Variants in XKR9 observed in about 807,000 individuals in gnomAD.
The protein encoded by XKR9 is XK-related protein 9.
Under a neutral mutation model 32.0 loss-of-function variants are expected in XKR9, and 32 were observed. The ratio of observed to expected loss-of-function variants is 1.00; its 90% CI spans 0.76 to 1.34. The LOEUF (loss-of-function observed/expected upper bound fraction) is 1.34, where lower values mean the gene tolerates loss of function less well. XKR9 is among the 40% of genes most tolerant of loss of function. The pLI, the probability that XKR9 is intolerant of heterozygous loss-of-function variation, is 0.00. For synonymous variants in XKR9, 168 were observed against 143.4 expected (o/e 1.17, Z -1.22); for missense variants, 546 against 429.7 (o/e 1.27, Z -2.39).
At chr8:71,027,288 AAG>A in the XKR9 span, among the ~76,000 whole-genome samples, 2 of 150,848 alleles carry the variant, frequency 1.3e-5, no homozygotes, top group Non-Finnish European at 3.0e-5. Flanking sequence ...CTTATTCCAG[AAG>A]AGAGTCTTAA....
chr8:70,922,130 T>C, the XKR9 span, among the ~76,000 whole-genome samples: 2 of 152,204 alleles, frequency 1.3e-5, no homozygotes, highest in Non-Finnish European at 2.9e-5. Context: ...CTCTACCCTC[T>C]GTATACCTCT....
rs1447765591 is a variant in XKR9 at position 70,745,086 on chromosome 8, G to T, written n.352+37933G>T. On this transcript the variant is annotated intron_variant and non_coding_transcript_variant, in intron 2 of 3. Coordinates refer to the XKR9 transcript ENST00000520273. ...TATACATCTACTAAGGAGCTTGAAT[G>T]CTAAGTGTCCCACACAAACATAGAT... Among the ~76,000 whole-genome samples, 5 of 150,046 alleles carry T rather than the reference G, an allele frequency of 3.3e-5. 1 individual carries two copies.
the XKR9 span, among the ~76,000 whole-genome samples, chr8:70,893,953 C>T: frequency 8.6e-5 from 13 of 151,996 alleles, no homozygotes; most frequent in South Asian, 4.2e-4. Flanking sequence ...ATAGATTGCC[C>T]GGAGAGTCAG....
the XKR9 span, among the ~76,000 whole-genome samples, chr8:70,837,582 A>G: frequency 2.0e-5 from 3 of 152,070 alleles, no homozygotes; most frequent in East Asian, 5.8e-4. Context: ...TGAAAGGACA[A>G]GATGTATGGT....
the XKR9 span, among the ~76,000 whole-genome samples, chr8:71,032,676 G>A: frequency 6.6e-6 from 1 of 152,124 alleles, no homozygotes; most frequent in Non-Finnish European, 1.5e-5. Context: ...TAACAATTTT[G>A]TCAGATGATT....
the XKR9 span, among the ~76,000 whole-genome samples, chr8:70,873,966 G>A: frequency 6.6e-6 from 1 of 152,158 alleles, no homozygotes. Flanking sequence ...CCCTCCTGAT[G>A]AGTCAGCAGC....
At chr8:70,882,323 G>A in the XKR9 span, among the ~76,000 whole-genome samples, 1 of 151,426 alleles carries the variant, frequency 6.6e-6, no homozygotes, top group African/African-American at 2.4e-5. Context: ...AAAAATTAAG[G>A]CATGTGGTAA....
intron 3 of XKR9, among the ~76,000 whole-genome samples, chr8:70,706,031 A>G (rs2132174619): frequency 6.6e-6 from 1 of 152,298 alleles, no homozygotes; most frequent in Non-Finnish European, 1.5e-5. Context: ...TCTGAGCAAT[A>G]TAGTGAATGT....
At chr8:70,691,008 A>G (rs1819494241) in intron 3 of XKR9, among the ~76,000 whole-genome samples, 1 of 152,124 alleles carries the variant, frequency 6.6e-6, no homozygotes, top group African/African-American at 2.4e-5. Flanking sequence ...CAATGGTTGA[A>G]CTAATTTACA....
intron 2 of XKR9, among the ~76,000 whole-genome samples, chr8:70,750,080 G>T (rs1432765153): frequency 6.6e-6 from 1 of 152,028 alleles, no homozygotes; most frequent in African/African-American, 2.4e-5. Flanking sequence ...AATATTTATT[G>T]ATAAATATTA....
At chr8:70,753,567 A>G (rs1363101119) in intron 2 of XKR9, among the ~76,000 whole-genome samples, 1 of 152,104 alleles carries the variant, frequency 6.6e-6, no homozygotes, top group African/African-American at 2.4e-5. Context: ...CTTATCCACC[A>G]TGATCAAGTG....
the XKR9 span, among the ~76,000 whole-genome samples, chr8:70,945,334 T>G: frequency 1.3e-5 from 2 of 152,108 alleles, no homozygotes; most frequent in Non-Finnish European, 2.9e-5. Flanking sequence ...CAGATGATGA[T>G]CAGTGGATTT....
chr8:70,717,624 T>C (rs1334181695), intron 4 of XKR9, among the ~76,000 whole-genome samples: 1 of 152,132 alleles, frequency 6.6e-6, no homozygotes, highest in Non-Finnish European at 1.5e-5. Flanking sequence ...GGGTCCAGCC[T>C]ACAAAACCAT....
intron 2 of XKR9, among the ~76,000 whole-genome samples, chr8:70,786,309 T>A (rs1807688114): frequency 6.6e-6 from 1 of 152,168 alleles, no homozygotes; most frequent in Non-Finnish European, 1.5e-5. Flanking sequence ...AAAATATTTT[T>A]CAAGTTTAAT....
the XKR9 span, among the ~76,000 whole-genome samples, chr8:71,005,209 T>C: frequency 0.42 from 60,996 of 146,324 alleles, 13,847 homozygotes; most frequent in Non-Finnish European, 0.51. Context: ...GCTCAGTTTT[T>C]TTTTCTTTTC....
At chr8:70,817,547 C>T in the XKR9 span, among the ~76,000 whole-genome samples, 2 of 152,086 alleles carry the variant, frequency 1.3e-5, no homozygotes, top group Non-Finnish European at 2.9e-5. Context: ...AATGACCCTG[C>T]TACCCAAAGC....
downstream of XKR9, among the ~76,000 whole-genome samples, chr8:70,791,182 G>A (rs116601292): frequency 0.012 from 1,759 of 152,002 alleles, 33 homozygotes; most frequent in African/African-American, 0.038. Flanking sequence ...TCTGAAATAA[G>A]AATGGGTCTT....
chr8:70,929,755 G>C, the XKR9 span, among the ~76,000 whole-genome samples: 1 of 152,106 alleles, frequency 6.6e-6, no homozygotes. Context: ...TTTAGATCTC[G>C]ATGACATCCT....
intron 4 of XKR9, among the ~76,000 whole-genome samples, chr8:70,729,408 T>C (rs62530826): frequency 0.4 from 60,939 of 151,604 alleles, 13,715 homozygotes; most frequent in Non-Finnish European, 0.52. Context: ...TTACTTTAGT[T>C]TTCTGATAGT....
Sources: gnomAD v4.1 joint callset for allele counts (sites outside exome capture counted in the v4.1 genomes callset) on GRCh38, gnomAD v4.1.1 for gene constraint, MANE v1.5 for transcripts, NCBI Gene and HGNC (gene_info 2026-07-23, HGNC 2026-07-21) for gene names.